The following CHRNA7 variants were observed in gnomAD, a reference collection of about 807,000 sequenced individuals.
CHRNA7 encodes the protein cholinergic receptor nicotinic alpha 7 subunit.
A neutral mutation model predicts 48.0 loss-of-function variants in CHRNA7; 17 were observed. The observed-to-expected ratio is 0.35, with a 90% CI of 0.24 to 0.53. The LOEUF is 0.53. Among genes scored for constraint, CHRNA7 ranks in the 20% least tolerant of loss-of-function variants. The pLI, the probability that CHRNA7 is intolerant of heterozygous loss-of-function variation, is 0.92. For synonymous variants in CHRNA7, 75 were observed against 242.3 expected (o/e 0.31, Z 6.41); for missense variants, 155 against 577.7 (o/e 0.27, Z 7.50).
rs1487181460 is a variant in CHRNA7, at chr15:32,149,827, C to T, written c.351-4080C>T. On this transcript the variant is annotated intron_variant, in intron 4 of 9. Transcript: ENST00000306901. This position sits in a 1 kb window ranked among gnomAD's most constrained non-coding sequence, Gnocchi z 4.6. The stretch of plus-strand genomic sequence containing the variant: ...GTTTGCCTTGTGATCTCAAGAGTCT[C>T]TTCAATTAAATTGATCCAAATGCTT... Among the ~76,000 whole-genome samples, 1 of 151,292 alleles carries T rather than the reference C, an allele frequency of 6.6e-6. No homozygotes were observed. Among genetic ancestry groups the T allele is most frequent in the Admixed American group, 6.6e-5 (1 of 15,192 alleles).
intron 4 of CHRNA7, among the ~76,000 whole-genome samples, chr15:32,122,960 A>G (rs2050999890): frequency 6.6e-6 from 1 of 152,184 alleles, no homozygotes; most frequent in Admixed American, 6.5e-5. Flanking sequence ...ATTGAAGGGC[A>G]ATTATTTTTA....
At chr15:32,116,565 A>G (rs1445524735) in intron 4 of CHRNA7, among the ~76,000 whole-genome samples, 1 of 152,162 alleles carries the variant, frequency 6.6e-6, no homozygotes, top group Non-Finnish European at 1.5e-5. Flanking sequence ...TCTTGCCTAA[A>G]GTGGGTAGCA....
chr15:32,153,076 C>T (rs926125004), intron 4 of CHRNA7, among the ~76,000 whole-genome samples: 4 of 152,156 alleles, frequency 2.6e-5, no homozygotes, highest in African/African-American at 9.7e-5. Context: ...TGGAAGCCCT[C>T]TGGGGTTGTG....
chr15:32,103,724 G>A (rs1171495737), intron 3 of CHRNA7, among the ~76,000 whole-genome samples: 2 of 152,086 alleles, frequency 1.3e-5, no homozygotes, highest in South Asian at 2.1e-4. Flanking sequence ...GATTGTCCTC[G>A]CTGCCAGTAG....
At chr15:32,033,904 G>A (rs898061407) in intron 2 of CHRNA7, among the ~76,000 whole-genome samples, 6 of 152,178 alleles carry the variant, frequency 3.9e-5, no homozygotes, top group Non-Finnish European at 7.3e-5. Context: ...GACACCATAT[G>A]ATGTTACATA....
chr15:32,119,006 TAGTG>T (rs200856900), intron 4 of CHRNA7, among the ~76,000 whole-genome samples: 23,042 of 134,686 alleles, frequency 0.17, 2,214 homozygotes, highest in Middle Eastern at 0.27. Flanking sequence ...AAAAAAAAAA[TAGTG>T]AGGGAAGAGA....
rs34200550 is a variant in CHRNA7, at chr15:32,059,944, C to CAAAAAAAAAAA, written c.195+28927_195+28937dup. Among the ~76,000 whole-genome samples the CAAAAAAAAAAA allele has an allele frequency of 3.6e-4, 12 of 33,050 alleles. 1 individual carries two copies. The highest frequency in any genetic ancestry group is 1.3e-3 in the Admixed American group (2 of 1,568). The allele number at this position is 33,050 out of a possible 152,430, so 21.7% of individuals were successfully genotyped here. Reference sequence around the variant, plus strand: ...ATCTCTGAAACGCCAAGTAGAAAAGCAAAAAAAAAAAAAAAAAAAAAAAAA... The same window carrying CAAAAAAAAAAA: ...ATCTCTGAAACGCCAAGTAGAAAAGCAAAAAAAAAAAAAAAAAAAAAAAAAAAAAAAAAAAA... On this transcript the variant is annotated intron_variant, in intron 2 of 9. Transcript: ENST00000306901.
chr15:32,103,734 G>A (rs1250739434), intron 3 of CHRNA7, among the ~76,000 whole-genome samples: 1 of 152,180 alleles, frequency 6.6e-6, no homozygotes, highest in East Asian at 1.9e-4. Flanking sequence ...GCTGCCAGTA[G>A]CATCAAAATA....
At chr15:32,066,472 G>A (rs2049968860) in intron 2 of CHRNA7, among the ~76,000 whole-genome samples, 1 of 152,056 alleles carries the variant, frequency 6.6e-6, no homozygotes, top group African/African-American at 2.4e-5. Flanking sequence ...AGTAGAGACA[G>A]GGTTTCACCA....
intron 2 of CHRNA7, among the ~76,000 whole-genome samples, chr15:32,092,560 C>T (rs1468091484): frequency 6.6e-6 from 1 of 152,096 alleles, no homozygotes; most frequent in Admixed American, 6.5e-5. Flanking sequence ...TTTCATCTGG[C>T]CCATGCCTCA....
chr15:32,148,522 A>G (rs192509886), intron 4 of CHRNA7, among the ~76,000 whole-genome samples: 179 of 152,312 alleles, frequency 1.2e-3, no homozygotes, highest in Non-Finnish European at 2.1e-3. Flanking sequence ...GCAGCTCTGC[A>G]GGAATGAGAC....
At chr15:32,086,975 C>T (rs2050308083) in intron 2 of CHRNA7, among the ~76,000 whole-genome samples, 2 of 152,120 alleles carry the variant, frequency 1.3e-5, no homozygotes, top group South Asian at 2.1e-4. Flanking sequence ...TACTCTTTTT[C>T]CCCTATTTAT....
At chr15:32,139,624 A>G (rs902037527) in intron 4 of CHRNA7, among the ~76,000 whole-genome samples, 5 of 151,648 alleles carry the variant, frequency 3.3e-5, no homozygotes, top group Non-Finnish European at 7.4e-5. Flanking sequence ...AATGTGGAAC[A>G]TATTTCTATG....
intron 2 of CHRNA7, among the ~76,000 whole-genome samples, chr15:32,040,044 T>C (rs999908041): frequency 1.6e-4 from 25 of 152,146 alleles, no homozygotes; most frequent in African/African-American, 6.0e-4. Context: ...AAGTACGCTC[T>C]ATCTGAAATT....
intron 6 of CHRNA7, 123 bp from the exon 7 acceptor site, chr15:32,158,289 C>CCCTT (rs1227045979): frequency 3.8e-6 from 2 of 522,132 alleles, no homozygotes. Context: ...CAACCCCCCC[C>CCCTT]TTTTTTTTTT....
chr15:32,060,411 A>C (rs1312000568), intron 2 of CHRNA7, among the ~76,000 whole-genome samples: 1 of 152,190 alleles, frequency 6.6e-6, no homozygotes, highest in East Asian at 1.9e-4. Flanking sequence ...GAAAAAATAA[A>C]TTATGCATTT....
chr15:32,053,016 TA>T (rs921011810), intron 2 of CHRNA7, among the ~76,000 whole-genome samples: 1 of 152,088 alleles, frequency 6.6e-6, no homozygotes, highest in Non-Finnish European at 1.5e-5. Context: ...TAGATATAAA[TA>T]AAAAAATCTG....
chr15:32,051,209 G>T (rs911465926), intron 2 of CHRNA7, among the ~76,000 whole-genome samples: 8 of 151,716 alleles, frequency 5.3e-5, no homozygotes, highest in Non-Finnish European at 8.8e-5. Context: ...AGTCTGCAGA[G>T]GTTACTGCTC....
chr15:32,118,589 C>T (rs576617000), intron 4 of CHRNA7, among the ~76,000 whole-genome samples: 1 of 152,160 alleles, frequency 6.6e-6, no homozygotes, highest in Non-Finnish European at 1.5e-5. Flanking sequence ...TCCGAACTGT[C>T]CATCTCACTC....
Sources: allele counts gnomAD v4.1 joint callset (sites outside exome capture counted in the v4.1 genomes callset), GRCh38; gene constraint gnomAD v4.1.1; non-coding constraint Gnocchi (gnomAD v3.1); transcripts MANE v1.5; gene names NCBI Gene and HGNC (gene_info 2026-07-23, HGNC 2026-07-21).